The following NFS1 variants were observed in gnomAD, a reference collection of about 807,000 sequenced individuals.
The protein encoded by NFS1 is cysteine desulfurase.
A neutral mutation model predicts 57.3 loss-of-function variants in NFS1; 26 were observed. That is an observed-to-expected ratio of 0.45 (90% CI 0.33 to 0.63). The LOEUF (loss-of-function observed/expected upper bound fraction) is 0.63. Among genes scored for constraint, NFS1 ranks in the 20% least tolerant of loss-of-function variants. The probability of loss-of-function intolerance (pLI) is 0.02; values close to 1 mark genes in which losing one functional copy is unlikely to be tolerated. For missense variants in NFS1, 505 were observed against 605.8 expected (o/e 0.83, Z 1.75); for synonymous variants, 209 against 216.3 (o/e 0.97, Z 0.30).
Position 35,699,115 on chromosome 20 carries a change from G to A in NFS1, c.97+77C>T. On this transcript the variant is annotated intron_variant, in intron 1 of 12. Coordinates refer to ENST00000374092, the MANE Select transcript of NFS1 (RefSeq NM_021100.5). This position sits in a 1 kb window ranked among gnomAD's most constrained non-coding sequence, Gnocchi z 4.4. ...GTCTGGGCAGCAGGGTGGACAGGAA[G>A]GCTCCGGAATATTCAGTTGCGTCGC... 7.4e-7 allele frequency: 1 copy of A among 1,355,750 alleles called. No individual in the cohort carries two copies. The highest frequency in any genetic ancestry group is 9.4e-7 in the Non-Finnish European group (1 of 1,059,568). 84.0% of individuals were successfully genotyped at this position (1,355,750 alleles called of 1,614,324 possible). A position where few individuals can be genotyped will look rare whatever the true frequency, so the allele number is the denominator to read the frequency against.
Position 35,699,221 on chromosome 20 carries a change from G to T in NFS1, c.68C>A (p.Ala23Glu). Reference sequence around the variant, plus strand: ...CAGGCGCAGCCCCCGAGTGGGCGCCGCGGGCTTCGGCCCTGGAGCCGCTGT... The same window carrying T: ...CAGGCGCAGCCCCCGAGTGGGCGCCTCGGGCTTCGGCCCTGGAGCCGCTGT... Reference protein sequence around the residue: ...AVTAAPGPKPAAPTRGLRLRV... With the variant: ...AVTAAPGPKPEAPTRGLRLRV... The change falls in exon 1 of 13, where the codon GCG becomes GAG. Residue 23 changes from alanine to glutamate, a missense_variant. Transcript: ENST00000374092. The surrounding 1 kb of genome is among the most constrained non-coding windows in gnomAD (Gnocchi z 4.4). The T allele has an allele frequency of 4.2e-6, 6 of 1,427,038 alleles. No homozygotes were observed. Among genetic ancestry groups the T allele is most frequent in the Non-Finnish European group, 5.5e-6 (6 of 1,099,418 alleles). The allele number at this position is 1,427,038 out of a possible 1,614,324, so 88.4% of individuals were successfully genotyped here. A position where few individuals can be genotyped will look rare whatever the true frequency, so the allele number is the denominator to read the frequency against.
chr20:35,677,116 C>G (rs939681262), intron 7 of NFS1, among the ~76,000 whole-genome samples: 1 of 152,202 alleles, frequency 6.6e-6, no homozygotes, highest in Non-Finnish European at 1.5e-5. Flanking sequence ...CTGCCCGCCT[C>G]GGCCTCCCAA....
At chr20:35,674,731 T>C (rs1412656356) in intron 8 of NFS1, 114 bp from the exon 9 acceptor site, 15 of 819,734 alleles carry the variant, frequency 1.8e-5, no homozygotes, top group Non-Finnish European at 2.6e-5. Context: ...CCACCTATCA[T>C]CCTATGTACT....
In NFS1 at chr20:35,668,997, GA is replaced by G. The variant is rs2034609704; in HGVS notation, c.*624del. On this transcript the variant is annotated 3_prime_UTR_variant, in exon 13 of 13. Coordinates refer to ENST00000374092, the MANE Select transcript of NFS1 (RefSeq NM_021100.5). ...AAGGTGAGTTTATTTCTCCAGTCTTGAAATTAACAATTTTCAAGAAAACAAA... is the reference window on the plus strand; with the variant it reads ...AAGGTGAGTTTATTTCTCCAGTCTTGAATTAACAATTTTCAAGAAAACAAA... 6.6e-6 allele frequency: 1 copy of G among 152,132 alleles called. No individual in the cohort carries two copies. The highest frequency in any genetic ancestry group is 1.5e-5 in the Non-Finnish European group (1 of 68,018). The allele number at this position is 152,132 out of a possible 1,614,324, so 9.4% of individuals were successfully genotyped here.
intron 12 of NFS1, among the ~76,000 whole-genome samples, chr20:35,670,513 C>G (rs2034636070): frequency 6.6e-6 from 1 of 152,196 alleles, no homozygotes; most frequent in African/African-American, 2.4e-5. Flanking sequence ...CTTCTATATA[C>G]TAAACATTCC....
intron 10 of NFS1, 164 bp from the exon 11 acceptor site, chr20:35,673,848 C>A: frequency 1.8e-6 from 1 of 570,772 alleles, no homozygotes. Context: ...CTCCCCTGCA[C>A]ATCCTAGGAT....
intron 10 of NFS1, 108 bp downstream of exon 10, chr20:35,674,242 T>G: frequency 1.1e-6 from 1 of 914,558 alleles, no homozygotes; most frequent in Non-Finnish European, 1.8e-6. Flanking sequence ...ACCTTTACCC[T>G]TAATCAAGAG....
intron 3 of NFS1, 56 bp downstream of exon 3, chr20:35,697,628 C>T: frequency 8.5e-7 from 1 of 1,181,826 alleles, no homozygotes; most frequent in South Asian, 1.4e-5. Flanking sequence ...GAAATGCCTC[C>T]CACAGGCCAC....
At chr20:35,695,914 C>A (rs2035124968) in intron 4 of NFS1, among the ~76,000 whole-genome samples, 1 of 152,020 alleles carries the variant, frequency 6.6e-6, no homozygotes, top group Non-Finnish European at 1.5e-5. Context: ...GTGGCGGGCA[C>A]CTGTACTCCC....
intron 5 of NFS1, among the ~76,000 whole-genome samples, chr20:35,687,252 C>T (rs567770989): frequency 5.9e-5 from 9 of 152,296 alleles, no homozygotes; most frequent in Admixed American, 1.3e-4. Context: ...GAGGCCTAAC[C>T]GTCTCCCTGT....
intron 7 of NFS1, among the ~76,000 whole-genome samples, chr20:35,679,843 T>A (rs935381289): frequency 1.6e-4 from 24 of 152,192 alleles, no homozygotes; most frequent in Non-Finnish European, 2.1e-4. Context: ...ATATTTTATA[T>A]TTATATTTTA....
chr20:35,690,922 T>G (rs143657417), intron 4 of NFS1, among the ~76,000 whole-genome samples: 1 of 152,162 alleles, frequency 6.6e-6, no homozygotes, highest in African/African-American at 2.4e-5. Context: ...ACCCATAGAA[T>G]GTACAACACC....
chr20:35,678,384 C>G (rs1005613632), intron 7 of NFS1, among the ~76,000 whole-genome samples: 3 of 151,790 alleles, frequency 2.0e-5, no homozygotes, highest in African/African-American at 7.3e-5. Flanking sequence ...AAAAATTAGC[C>G]AGGCGTGGTG....
chr20:35,674,607 T>C lies in NFS1; in HGVS notation c.959A>G (p.Lys320Arg), dbSNP rs1158797035. 1.2e-6 allele frequency: 2 copies of C among 1,613,944 alleles called. No individual in the cohort carries two copies. The highest frequency in any genetic ancestry group is 1.7e-6 in the Non-Finnish European group (2 of 1,179,826). ...VAQQEMEYDH[K>R]RISKLSERLI... ...CCGCTCTGACAACTTTGAGATTCGC[T>C]TGTGGTCATACTAAGGAGCAGGCAA... Residue 320 changes from lysine (K) to arginine (R), a missense_variant, in exon 9 of 13, where the codon AAG becomes AGG. Lys to Arg is a conservative substitution (Grantham distance 26). Transcript: ENST00000374092.
At chr20:35,685,195 C>A (rs964617001) in intron 5 of NFS1, among the ~76,000 whole-genome samples, 4 of 151,726 alleles carry the variant, frequency 2.6e-5, no homozygotes, top group Admixed American at 2.6e-4. Flanking sequence ...CAAGGGAGAC[C>A]CTGTCTCTAC....
At chr20:35,697,565 C>G (rs930024438) in intron 3 of NFS1, 119 bp downstream of exon 3, 1 of 633,508 alleles carries the variant, frequency 1.6e-6, no homozygotes, top group African/African-American at 1.8e-5. Flanking sequence ...CTTTGAATCT[C>G]TTCCAGAAAG....
chr20:35,672,684 CAT>C (rs2034676189), intron 12 of NFS1, 69 bp downstream of exon 12: 4 of 1,100,154 alleles, frequency 3.6e-6, no homozygotes, highest in Non-Finnish European at 5.6e-6. Context: ...AGTGTAAACA[CAT>C]AGCCTAAGGA....
At chr20:35,673,512 C>A in intron 11 of NFS1, 89 bp downstream of exon 11, 1 of 1,145,780 alleles carries the variant, frequency 8.7e-7, no homozygotes, top group Non-Finnish European at 1.3e-6. Context: ...CTGAGAAAAA[C>A]TTCAGGGTGG....
rs2034614595 is a variant in NFS1 at position 35,669,360 on chromosome 20, C to G, written c.*262G>C. On this transcript the variant is annotated 3_prime_UTR_variant, in exon 13 of 13. Transcript: ENST00000374092. ...ACAGATGTGCCCAGCAGCAATATGA[C>G]AGCAAATGTCTCTATGGCTTCGGGA... is the stretch of plus-strand genomic sequence containing the variant. 2.6e-6 allele frequency: 1 copy of G among 379,552 alleles called. No homozygotes were observed. Among genetic ancestry groups the G allele is most frequent in the East Asian group, 4.5e-5 (1 of 22,022 alleles). The allele number at this position is 379,552 out of a possible 1,614,324, so 23.5% of individuals were successfully genotyped here.
Sources: gnomAD v4.1 joint callset for allele counts (sites outside exome capture counted in the v4.1 genomes callset) on GRCh38, gnomAD v4.1.1 for gene constraint, Gnocchi (gnomAD v3.1) non-coding constraint, MANE v1.5 for transcripts, NCBI Gene and HGNC (gene_info 2026-07-23, HGNC 2026-07-21) for gene names.